SCFD2: variants seen among roughly 807,000 people sequenced by gnomAD.
SCFD2 encodes sec1 family domain containing 2, also known as sec1 family domain-containing protein 2.
Under a neutral mutation model 58.9 loss-of-function variants are expected in SCFD2, and 54 were observed. That is an observed-to-expected ratio of 0.92 (90% CI 0.74 to 1.15). The LOEUF is 1.15. Ranked by LOEUF, SCFD2 falls within the 50% of genes most tolerant of loss-of-function variation. The pLI is 0.00. For missense variants in SCFD2, 805 were observed against 836.6 expected, an observed-to-expected ratio of 0.96 and a Z score of 0.47; for synonymous variants, 321 against 335.9, an observed-to-expected ratio of 0.96 and a Z score of 0.49.
intron 5 of SCFD2, among the ~76,000 whole-genome samples, chr4:52,979,561 C>T (rs945391976): frequency 5.3e-5 from 8 of 152,126 alleles, no homozygotes; most frequent in African/African-American, 1.9e-4. Flanking sequence ...TGCAATAACA[C>T]AAAATCAACA....
chr4:53,157,126 A>G (rs1726713387), intron 4 of SCFD2, among the ~76,000 whole-genome samples: 2 of 152,236 alleles, frequency 1.3e-5, no homozygotes, highest in South Asian at 4.1e-4. Flanking sequence ...TTCTGATGAG[A>G]TCATTGGTGA....
chr4:53,002,169 G>C (rs530064035), intron 5 of SCFD2, among the ~76,000 whole-genome samples: 2 of 152,282 alleles, frequency 1.3e-5, no homozygotes, highest in Admixed American at 1.3e-4. Context: ...GGCCCCTTGT[G>C]AGAAACACAC....
At chr4:53,280,898 T>C (rs1352779654) in intron 3 of SCFD2, among the ~76,000 whole-genome samples, 3 of 147,206 alleles carry the variant, frequency 2.0e-5, no homozygotes, top group Non-Finnish European at 4.4e-5. Flanking sequence ...TCTTTTGAGA[T>C]TTTTTCCCCA....
intron 2 of SCFD2, among the ~76,000 whole-genome samples, chr4:53,337,436 G>A (rs1733719483): frequency 1.3e-5 from 2 of 152,172 alleles, no homozygotes; most frequent in Admixed American, 6.5e-5. Flanking sequence ...AACTTGGGAG[G>A]AGGATATTCA....
At chr4:53,349,102 C>T (rs966751863) in intron 2 of SCFD2, among the ~76,000 whole-genome samples, 14 of 152,128 alleles carry the variant, frequency 9.2e-5, no homozygotes, top group African/African-American at 2.7e-4. Context: ...ACCATGGAGA[C>T]AAAATATGTA....
At chr4:52,915,568 C>A (rs777668265) in intron 6 of SCFD2, among the ~76,000 whole-genome samples, 2 of 152,142 alleles carry the variant, frequency 1.3e-5, no homozygotes, top group Non-Finnish European at 2.9e-5. Flanking sequence ...AAAAATGGTT[C>A]ATTTGTCTGT....
chr4:53,226,426 G>C (rs1729218450), intron 4 of SCFD2, among the ~76,000 whole-genome samples: 1 of 151,982 alleles, frequency 6.6e-6, no homozygotes. Context: ...ATATTGATAA[G>C]TATTATCATA....
chr4:53,188,852 CA>C (rs1205447970), intron 4 of SCFD2, among the ~76,000 whole-genome samples: 1 of 152,152 alleles, frequency 6.6e-6, no homozygotes, highest in Non-Finnish European at 1.5e-5. Context: ...ATCCCAAATG[CA>C]GTGCTCACTT....
chr4:53,139,766 G>C (rs1560353433), intron 5 of SCFD2, among the ~76,000 whole-genome samples: 1 of 152,174 alleles, frequency 6.6e-6, no homozygotes, highest in Non-Finnish European at 1.5e-5. Flanking sequence ...CGAATAGAAA[G>C]GGGGGATGTG....
chr4:53,046,248 T>C (rs980186661), intron 5 of SCFD2, among the ~76,000 whole-genome samples: 18 of 152,288 alleles, frequency 1.2e-4, no homozygotes, highest in African/African-American at 4.3e-4. Flanking sequence ...AGAGATGTGG[T>C]CTCATTCTGT....
rs184381336 is a variant in SCFD2 at position 53,154,355 on chromosome 4, G to A, written c.1312-8773C>T. On this transcript the variant is annotated intron_variant, in intron 4 of 8. Transcript: ENST00000401642. ...AGAGTGAGCTGGCATATCACATGGT[G>A]AAAGAGAATGGAGGTCGGGGGAGCA... Among the ~76,000 whole-genome samples the A allele has an allele frequency of 1.6e-4, 24 of 152,274 alleles. 1 individual carries two copies. Among genetic ancestry groups the A allele is most frequent in the Admixed American group, 1.4e-3 (21 of 15,298 alleles).
At chr4:53,176,687 C>T (rs752897412) in intron 4 of SCFD2, among the ~76,000 whole-genome samples, 11 of 152,290 alleles carry the variant, frequency 7.2e-5, no homozygotes, top group East Asian at 1.9e-4. Context: ...CAGTGGCTCA[C>T]GCCTGTAATC....
chr4:53,044,079 T>C (rs1219524322), intron 5 of SCFD2, among the ~76,000 whole-genome samples: 2 of 152,134 alleles, frequency 1.3e-5, no homozygotes, highest in African/African-American at 4.8e-5. Flanking sequence ...TCCTTAGCTT[T>C]TGAGATGGGG....
chr4:53,362,225 G>A (rs1734566777), intron 1 of SCFD2, among the ~76,000 whole-genome samples: 1 of 152,130 alleles, frequency 6.6e-6, no homozygotes, highest in Non-Finnish European at 1.5e-5. Context: ...AACATCCCAA[G>A]CAGAGCTGCA....
chr4:53,105,829 G>A (rs529362795), intron 5 of SCFD2, among the ~76,000 whole-genome samples: 38 of 152,274 alleles, frequency 2.5e-4, no homozygotes, highest in Admixed American at 7.2e-4. Flanking sequence ...CACAGTGCTC[G>A]TGCTCTGCTA....
At chr4:53,210,067 A>C (rs893961477) in intron 4 of SCFD2, among the ~76,000 whole-genome samples, 3 of 152,124 alleles carry the variant, frequency 2.0e-5, no homozygotes, top group African/African-American at 7.2e-5. Context: ...TAATTTCAGA[A>C]AGTGGGTTCA....
intron 5 of SCFD2, among the ~76,000 whole-genome samples, chr4:53,017,125 C>A (rs1454693035): frequency 2.0e-5 from 3 of 147,474 alleles, no homozygotes; most frequent in Non-Finnish European, 4.4e-5. Flanking sequence ...CACACACACA[C>A]AAAAAGAAGC....
chr4:52,941,725 T>C (rs1720298217), intron 5 of SCFD2, among the ~76,000 whole-genome samples: 1 of 152,204 alleles, frequency 6.6e-6, no homozygotes, highest in Non-Finnish European at 1.5e-5. Context: ...TGAGGGAAAT[T>C]TACAAAGTTA....
chr4:53,004,289 G>T (rs570985571), intron 5 of SCFD2, among the ~76,000 whole-genome samples: 6 of 152,300 alleles, frequency 3.9e-5, no homozygotes, highest in African/African-American at 1.4e-4. Context: ...GCATGGAAAG[G>T]AACGTAAATG....
Sources: gnomAD v4.1 joint callset for allele counts (sites outside exome capture counted in the v4.1 genomes callset) on GRCh38, gnomAD v4.1.1 for gene constraint, MANE v1.5 for transcripts, NCBI Gene and HGNC (gene_info 2026-07-23, HGNC 2026-07-21) for gene names.